The following CBX5 variants were observed in gnomAD, a reference collection of about 807,000 sequenced individuals.
CBX5 encodes chromobox 5.
A neutral mutation model predicts 20.7 loss-of-function variants in CBX5; 7 were observed. That is an observed-to-expected ratio of 0.34 (90% CI 0.19 to 0.63). The LOEUF (loss-of-function observed/expected upper bound fraction) is 0.63, where lower values mean the gene tolerates loss of function less well. CBX5 is among the 30% of genes least tolerant of loss of function. The probability of loss-of-function intolerance (pLI) is 0.75; values close to 1 mark genes in which losing one functional copy is unlikely to be tolerated. For synonymous variants in CBX5, 78 were observed against 77.0 expected, an observed-to-expected ratio of 1.01 and a Z score of -0.07; for missense variants, 110 against 224.1, an observed-to-expected ratio of 0.49 and a Z score of 3.25.
At chr12:54,247,214 C>T (rs541447956) in intron 3 of CBX5, among the ~76,000 whole-genome samples, 3 of 151,268 alleles carry the variant, frequency 2.0e-5, no homozygotes, top group East Asian at 1.9e-4. Flanking sequence ...AAGGTAGAAC[C>T]GGACTGTGAC....
chr12:54,279,382 A>G (rs1944105803), intron 1 of CBX5, among the ~76,000 whole-genome samples: 1 of 152,170 alleles, frequency 6.6e-6, no homozygotes, highest in Non-Finnish European at 1.5e-5. Flanking sequence ...GGAATACAGG[A>G]GCAAACTTAC....
chr12:54,234,447 C>A lies in CBX5; in HGVS notation c.*7308G>T, dbSNP rs1236516980. 2 of 152,156 alleles carry A rather than the reference C, an allele frequency of 1.3e-5. No homozygotes were observed. Among genetic ancestry groups the A allele is most frequent in the Non-Finnish European group, 2.9e-5 (2 of 68,020 alleles). 9.4% of individuals were successfully genotyped at this position (152,156 alleles called of 1,614,324 possible). On this transcript the variant is annotated 3_prime_UTR_variant, in exon 5 of 5. Transcript: ENST00000209875. Reference sequence around the variant, plus strand: ...CCTTGAATCGACTGTTAGGGTCACACCTGCCAATGCCAGGGGACATCACAA... The same window carrying A: ...CCTTGAATCGACTGTTAGGGTCACAACTGCCAATGCCAGGGGACATCACAA...
chr12:54,279,692 C>T (rs757387464), intron 1 of CBX5, among the ~76,000 whole-genome samples: 10 of 152,212 alleles, frequency 6.6e-5, no homozygotes, highest in Non-Finnish European at 1.0e-4. Flanking sequence ...TTCCTGCTCA[C>T]TGGCTCAGTG....
At chr12:54,268,270 G>A (rs1472109989) in intron 1 of CBX5, among the ~76,000 whole-genome samples, 4 of 152,170 alleles carry the variant, frequency 2.6e-5, no homozygotes, top group Non-Finnish European at 5.9e-5. Flanking sequence ...GTGATGACAG[G>A]AGAAACAAAC....
chr12:54,255,156 G>C (rs1943850302), intron 2 of CBX5, among the ~76,000 whole-genome samples: 1 of 152,180 alleles, frequency 6.6e-6, no homozygotes, highest in African/African-American at 2.4e-5. Flanking sequence ...GCCAGGAATA[G>C]TGATTCACAC....
intron 3 of CBX5, among the ~76,000 whole-genome samples, chr12:54,247,959 G>C (rs1943753608): frequency 6.6e-6 from 1 of 151,762 alleles, no homozygotes; most frequent in Admixed American, 6.6e-5. Context: ...TCCTGCCTTA[G>C]CCTCCTGAGT....
At chr12:54,267,974 T>C (rs1164515293) in intron 1 of CBX5, among the ~76,000 whole-genome samples, 1 of 152,062 alleles carries the variant, frequency 6.6e-6, no homozygotes, top group Non-Finnish European at 1.5e-5. Context: ...CGAAACCCCA[T>C]CTCTACCAAA....
Position 54,244,594 on chromosome 12 carries a change from C to T in CBX5, c.425+1521G>A, listed in dbSNP as rs550479243. Among the ~76,000 whole-genome samples, 5 of 151,922 alleles carry T rather than the reference C, an allele frequency of 3.3e-5. No individual in the cohort carries two copies. The East Asian group carries it at 9.8e-4, about 30-fold the overall frequency. On this transcript the variant is annotated intron_variant, in intron 4 of 4. Coordinates refer to ENST00000209875, the MANE Select transcript of CBX5 (RefSeq NM_012117.3). ...CTCTACTAAAAACACAAAAATTAGC[C>T]AGGCATGGTGGTAGGCGCCTGTAAT...
intron 4 of CBX5, 69 bp from the exon 5 acceptor site, chr12:54,241,974 T>C (rs754540825): frequency 7.0e-7 from 1 of 1,436,346 alleles, no homozygotes; most frequent in Non-Finnish European, 9.5e-7. Flanking sequence ...CATACGTTTA[T>C]GTCATTATAT....
At chr12:54,274,888 C>T (rs1384622194) in intron 1 of CBX5, among the ~76,000 whole-genome samples, 1 of 151,988 alleles carries the variant, frequency 6.6e-6, no homozygotes, top group Non-Finnish European at 1.5e-5. Flanking sequence ...TGCAGTGAGC[C>T]GAGATCACGC....
chr12:54,258,314 C>T (rs1943882942), intron 1 of CBX5: 1 of 152,082 alleles, frequency 6.6e-6, no homozygotes, highest in South Asian at 2.1e-4. Context: ...CACTAATCTT[C>T]CTTTTTAGAA....
chr12:54,250,420 A>C (rs1943783182), intron 3 of CBX5, among the ~76,000 whole-genome samples: 2 of 151,954 alleles, frequency 1.3e-5, no homozygotes, highest in African/African-American at 2.4e-5. Context: ...AAAATAAATA[A>C]ATAAATAAAA....
At chr12:54,264,988 G>A (rs762231898) in intron 1 of CBX5, among the ~76,000 whole-genome samples, 2 of 152,140 alleles carry the variant, frequency 1.3e-5, no homozygotes, top group Non-Finnish European at 2.9e-5. Context: ...AATTCTATAA[G>A]CCCCCTAACT....
chr12:54,268,965 A>C (rs1943982610), intron 1 of CBX5, among the ~76,000 whole-genome samples: 1 of 152,214 alleles, frequency 6.6e-6, no homozygotes, highest in Non-Finnish European at 1.5e-5. Flanking sequence ...AGATGAAGTT[A>C]AAAATAACTG....
At chr12:54,271,371 G>T (rs955388918) in intron 1 of CBX5, among the ~76,000 whole-genome samples, 1 of 152,112 alleles carries the variant, frequency 6.6e-6, no homozygotes, top group African/African-American at 2.4e-5. Flanking sequence ...TGTCACCCAG[G>T]CTGGAGTGCA....
chr12:54,275,789 T>G (rs1165177574), intron 1 of CBX5, among the ~76,000 whole-genome samples: 1 of 151,720 alleles, frequency 6.6e-6, no homozygotes, highest in Non-Finnish European at 1.5e-5. Flanking sequence ...GCAGATCACC[T>G]AAGGTCAGGA....
At chr12:54,267,941 C>T (rs1234664796) in intron 1 of CBX5, among the ~76,000 whole-genome samples, 1 of 152,132 alleles carries the variant, frequency 6.6e-6, no homozygotes, top group East Asian at 1.9e-4. Context: ...GCCAGGAATT[C>T]GAGACCAGCC....
At position 54,257,475 on chromosome 12, in the gene CBX5, C is replaced by G. The variant is rs374608573; in HGVS notation, c.137+39G>C. On this transcript the variant is annotated intron_variant, in intron 2 of 4. Transcript: ENST00000209875. Reference sequence around the variant, plus strand: ...GGAAGTAAACCAAAGGTATCTATCTCTACAGAGTCCCAACGCCTGGGGGAA... The same window carrying G: ...GGAAGTAAACCAAAGGTATCTATCTGTACAGAGTCCCAACGCCTGGGGGAA... 10 of 1,611,326 alleles carry G rather than the reference C, an allele frequency of 6.2e-6. No individual in the cohort carries two copies. The African/African-American group carries it at 1.1e-4, about 17-fold the overall frequency.
intron 1 of CBX5, among the ~76,000 whole-genome samples, chr12:54,279,401 G>A (rs1944106109): frequency 1.3e-5 from 2 of 152,180 alleles, no homozygotes; most frequent in Non-Finnish European, 2.9e-5. Flanking sequence ...ACGCTTTCAA[G>A]GAGGTGTATG....
Sources: allele counts gnomAD v4.1 joint callset (sites outside exome capture counted in the v4.1 genomes callset), GRCh38; gene constraint gnomAD v4.1.1; transcripts MANE v1.5; gene names NCBI Gene and HGNC (gene_info 2026-07-23, HGNC 2026-07-21).